The following IL10RB variants were observed in gnomAD, a reference collection of about 807,000 sequenced individuals.
IL10RB encodes the protein interleukin-10 receptor subunit beta.
A neutral mutation model predicts 38.7 loss-of-function variants in IL10RB; 30 were observed. That is an observed-to-expected ratio of 0.78 (90% CI 0.58 to 1.05). IL10RB has a LOEUF of 1.05. Ranked by LOEUF, IL10RB falls within the 50% of genes least tolerant of loss-of-function variation. The pLI is 0.00. For missense variants in IL10RB, 328 were observed against 397.1 expected, an observed-to-expected ratio of 0.83 and a Z score of 1.48; for synonymous variants, 142 against 145.9, an observed-to-expected ratio of 0.97 and a Z score of 0.19.
chr21:33,291,602 TA>T (rs1989488335), intron 6 of IL10RB, among the ~76,000 whole-genome samples: 1 of 152,172 alleles, frequency 6.6e-6, no homozygotes, highest in African/African-American at 2.4e-5. Context: ...ATTCAACACC[TA>T]ACAGGATCCT....
chr21:33,276,057 T>A lies in IL10RB; in HGVS notation c.174-539T>A, dbSNP rs1989164285. On this transcript the variant is annotated intron_variant, in intron 2 of 6. Coordinates refer to ENST00000290200, the MANE Select transcript of IL10RB (RefSeq NM_000628.5). Reference sequence around the variant, plus strand: ...TGTTGGAAAAATGGCACCAATAGACTTGCTCAATGCAGGGTTGCTGCAGAC... The same window carrying A: ...TGTTGGAAAAATGGCACCAATAGACATGCTCAATGCAGGGTTGCTGCAGAC... 2.0e-5 allele frequency among the ~76,000 whole-genome samples: 3 copies of A among 152,360 alleles called. No homozygotes were observed. The South Asian group carries it at 6.2e-4, about 32-fold the overall frequency.
chr21:33,303,930 A>G (rs1414801065), intron 1 of IL10RB, among the ~76,000 whole-genome samples: 1 of 152,236 alleles, frequency 6.6e-6, no homozygotes, highest in Non-Finnish European at 1.5e-5. Flanking sequence ...AGTATAGGTC[A>G]TCAACAAAGG....
intron 3 of IL10RB, among the ~76,000 whole-genome samples, chr21:33,277,735 G>A (rs555997107): frequency 2.8e-4 from 40 of 142,348 alleles, no homozygotes; most frequent in Non-Finnish European, 5.1e-4. Flanking sequence ...GCAGTGGCGC[G>A]ATCTCAGATC....
At chr21:33,288,505 C>T (rs1989423954) in intron 6 of IL10RB, among the ~76,000 whole-genome samples, 1 of 152,114 alleles carries the variant, frequency 6.6e-6, no homozygotes, top group Non-Finnish European at 1.5e-5. Flanking sequence ...TCCCTCTCTG[C>T]ACCTAGGGCA....
In IL10RB at chr21:33,296,632, C is replaced by T. The variant is rs2123606843; in HGVS notation, c.*275C>T. The T allele has an allele frequency of 1.7e-6, 1 of 577,858 alleles. No homozygotes were observed. The highest frequency in any genetic ancestry group is 1.5e-5 in the South Asian group (1 of 64,646). 35.8% of individuals were successfully genotyped at this position (577,858 alleles called of 1,614,324 possible). A position where few individuals can be genotyped will look rare whatever the true frequency, so the allele number is the denominator to read the frequency against. ...GTGTAATTTTCAGCCTTTTATATCA[C>T]TAAAATAAGATCATGTTTTAATTGT... is the stretch of plus-strand genomic sequence containing the variant. On this transcript the variant is annotated 3_prime_UTR_variant, in exon 7 of 7. Transcript: ENST00000290200.
At chr21:33,276,507 C>A in intron 2 of IL10RB, 89 bp from the exon 3 acceptor site, 1 of 1,022,766 alleles carries the variant, frequency 9.8e-7, no homozygotes, top group Non-Finnish European at 1.6e-6. Flanking sequence ...CACTCCCGCG[C>A]CGCCCCCCCC....
intron 6 of IL10RB, 74 bp downstream of exon 6, chr21:33,288,335 C>T: frequency 7.8e-7 from 1 of 1,284,028 alleles, no homozygotes; most frequent in Non-Finnish European, 1.1e-6. Flanking sequence ...TTAGGGCTGC[C>T]CAATTCCAGA....
chr21:33,291,921 A>G (rs542477646), intron 6 of IL10RB, among the ~76,000 whole-genome samples: 1 of 152,102 alleles, frequency 6.6e-6, no homozygotes, highest in African/African-American at 2.4e-5. Context: ...CGCAGCCTCC[A>G]TCCCTGCCAC....
intron 1 of IL10RB, chr21:33,308,368 C>T (rs892530425): frequency 1.3e-5 from 2 of 152,174 alleles, no homozygotes; most frequent in African/African-American, 4.8e-5. Context: ...CTAAACTTCA[C>T]AACTTTTGAT....
chr21:33,286,995 C>T (rs377166249), intron 5 of IL10RB, among the ~76,000 whole-genome samples: 3 of 151,976 alleles, frequency 2.0e-5, no homozygotes, highest in East Asian at 1.9e-4. Flanking sequence ...GTCTGTGAAC[C>T]GGTGTTTATC....
In IL10RB at chr21:33,288,258, A is replaced by G. The variant is rs1378875770; in HGVS notation, c.801A>G (p.Lys267=). 2 of 1,613,728 alleles carry G rather than the reference A, an allele frequency of 1.2e-6. No homozygotes were observed. The highest frequency in any genetic ancestry group is 2.7e-5 in the African/African-American group (2 of 74,900). Residue 267 remains lysine, a synonymous_variant, in exon 6 of 7, where the codon AAA becomes AAG. Coordinates refer to ENST00000290200, the MANE Select transcript of IL10RB (RefSeq NM_000628.5). ...SPRNSLPQHL[K]EFLGHPHHNT... ...GGAATTCTCTTCCACAGCACCTGAA[A>G]GAGGTAGGTAGGATGGAGTGAGATG...
chr21:33,278,042 A>G (rs1601830730), intron 3 of IL10RB, among the ~76,000 whole-genome samples: 1 of 111,074 alleles, frequency 9.0e-6, no homozygotes, highest in Non-Finnish European at 1.8e-5. Context: ...AACAAAAAAA[A>G]TACCAAAAAA....
intron 6 of IL10RB, among the ~76,000 whole-genome samples, chr21:33,292,688 C>G (rs1989512677): frequency 1.3e-5 from 2 of 152,166 alleles, no homozygotes; most frequent in South Asian, 4.1e-4. Context: ...GATGGCCCCG[C>G]CTGACCCCAG....
downstream of IL10RB, among the ~76,000 whole-genome samples, chr21:33,298,607 C>A (rs148162746): frequency 1.4e-4 from 22 of 152,036 alleles, no homozygotes; most frequent in East Asian, 4.2e-3. Flanking sequence ...GAGCGAGACT[C>A]CATCTCTAAA....
intron 1 of IL10RB, chr21:33,308,280 A>T (rs1181192750): frequency 6.6e-6 from 1 of 152,244 alleles, no homozygotes; most frequent in Non-Finnish European, 1.5e-5. Context: ...CGATGCCAAC[A>T]TATCAGAATA....
At position 33,296,420 on chromosome 21, in the gene IL10RB, G is replaced by T. The variant is rs765354572; in HGVS notation, c.*63G>T. On this transcript the variant is annotated 3_prime_UTR_variant, in exon 7 of 7. Coordinates refer to ENST00000290200, the MANE Select transcript of IL10RB (RefSeq NM_000628.5). ...CGTACTCCATCTCACATCTGCCTCA[G>T]TGAGGGATCAGGGCAGCAAACAAGG... The T allele has an allele frequency of 6.5e-7, 1 of 1,528,092 alleles. No homozygotes were observed. The highest frequency in any genetic ancestry group is 1.4e-5 in the African/African-American group (1 of 73,426). 94.7% of individuals were successfully genotyped at this position (1,528,092 alleles called of 1,614,324 possible).
chr21:33,279,616 C>A, intron 3 of IL10RB, 136 bp from the exon 4 acceptor site: 1 of 771,262 alleles, frequency 1.3e-6, no homozygotes, highest in African/African-American at 1.7e-5. Context: ...TTAGCCATGT[C>A]AATCAATGTC....
At chr21:33,307,960 A>G (rs2083002805) in intron 1 of IL10RB, among the ~76,000 whole-genome samples, 1 of 152,174 alleles carries the variant, frequency 6.6e-6, no homozygotes, top group East Asian at 1.9e-4. Context: ...TAGATGGCTC[A>G]AGATCTATTT....
chr21:33,281,519 G>A (rs1371969297), intron 4 of IL10RB, among the ~76,000 whole-genome samples: 1 of 152,328 alleles, frequency 6.6e-6, no homozygotes, highest in East Asian at 1.9e-4. Context: ...CTTACCGAGT[G>A]TGGAAAGGCT....
Sources: allele counts gnomAD v4.1 joint callset (sites outside exome capture counted in the v4.1 genomes callset), GRCh38; gene constraint gnomAD v4.1.1; transcripts MANE v1.5; gene names NCBI Gene and HGNC (gene_info 2026-07-23, HGNC 2026-07-21).